GPBP1: variants seen among roughly 807,000 people sequenced by gnomAD.
GPBP1 encodes GC-rich promoter binding protein 1.
In GPBP1, 13 loss-of-function variants were observed where a neutral mutation model predicts 56.5. The ratio of observed to expected loss-of-function variants is 0.23; its 90% confidence interval spans 0.15 to 0.37. GPBP1 has a LOEUF of 0.37. Among genes scored for constraint, GPBP1 ranks in the 10% least tolerant of loss-of-function variants. The pLI is 1.00. For missense variants in GPBP1, 477 were observed against 572.3 expected (o/e 0.83, Z 1.70); for synonymous variants, 204 against 188.9 (o/e 1.08, Z -0.66).
At chr5:57,191,081 T>G (rs777128715) in intron 2 of GPBP1, among the ~76,000 whole-genome samples, 9 of 150,854 alleles carry the variant, frequency 6.0e-5, no homozygotes, top group Non-Finnish European at 8.9e-5. Context: ...TGGCTCCTCT[T>G]AGCTGTTTTT....
At chr5:57,217,847 G>A (rs558735042) in intron 3 of GPBP1, among the ~76,000 whole-genome samples, 5 of 152,216 alleles carry the variant, frequency 3.3e-5, no homozygotes, top group African/African-American at 1.2e-4. Context: ...GTGAAACCCT[G>A]CCTCTCTACA....
Position 57,247,165 on chromosome 5 carries a change from T to C in GPBP1, c.754T>C (p.Phe252Leu). Residue 252 changes from phenylalanine to leucine, a missense_variant, in exon 8 of 12, where the codon TTT (phenylalanine) becomes CTT (leucine). Coordinates refer to ENST00000506184, the MANE Select transcript of GPBP1 (RefSeq NM_022913.4). ...STFGVGNFNA[F>L]KSTAKNFSPS... Reference sequence around the variant, plus strand: ...ATTTGGCGTTGGCAACTTTAATGCTTTTAAATCAACTGCCAAGAACTTTAG... The same window carrying C: ...ATTTGGCGTTGGCAACTTTAATGCTCTTAAATCAACTGCCAAGAACTTTAG... The C allele has an allele frequency of 6.2e-7, 1 of 1,613,794 alleles. No individual in the cohort carries two copies. The highest frequency in any genetic ancestry group is 8.5e-7 in the Non-Finnish European group (1 of 1,179,830).
At chr5:57,238,703 C>A (rs1449103427) in intron 6 of GPBP1, among the ~76,000 whole-genome samples, 2 of 152,152 alleles carry the variant, frequency 1.3e-5, no homozygotes, top group Non-Finnish European at 2.9e-5. Flanking sequence ...ATTAAAAAAT[C>A]AGAAATTTCA....
At chr5:57,206,811 G>T (rs1054793597) in intron 2 of GPBP1, among the ~76,000 whole-genome samples, 6 of 152,222 alleles carry the variant, frequency 3.9e-5, no homozygotes, top group Middle Eastern at 3.4e-3. Flanking sequence ...AAATGTGTGG[G>T]CTTATTTCTG....
intron 6 of GPBP1, among the ~76,000 whole-genome samples, chr5:57,236,356 TA>T (rs1442820781): frequency 6.6e-6 from 1 of 152,202 alleles, no homozygotes; most frequent in Non-Finnish European, 1.5e-5. Flanking sequence ...AAACTGAGTT[TA>T]AATTAATTTT....
At chr5:57,241,920 G>A in intron 6 of GPBP1, among the ~76,000 whole-genome samples, 1 of 152,170 alleles carries the variant, frequency 6.6e-6, no homozygotes, top group Admixed American at 6.5e-5. Flanking sequence ...AGGAGAATTT[G>A]TGGAGAAAAT....
intron 6 of GPBP1, among the ~76,000 whole-genome samples, chr5:57,243,549 T>C (rs1053664792): frequency 6.6e-6 from 1 of 151,992 alleles, no homozygotes; most frequent in Admixed American, 6.6e-5. Flanking sequence ...GAAGACCTCA[T>C]TGAGGAACTA....
At position 57,246,470 on chromosome 5, in the gene GPBP1, G is replaced by C. The variant is rs781330916; in HGVS notation, c.649G>C (p.Ala217Pro). 6.3e-7 allele frequency: 1 copy of C among 1,593,554 alleles called. No individual in the cohort carries two copies. The highest frequency in any genetic ancestry group is 8.5e-7 in the Non-Finnish European group (1 of 1,172,208). ...TAAAGGTTTAGTCCCTAAACCTGCTGCTCCACCTACAAAAGTAAGTTCTAA... is the reference window on the plus strand; with the variant it reads ...TAAAGGTTTAGTCCCTAAACCTGCTCCTCCACCTACAAAAGTAAGTTCTAA... ...VYKGLVPKPA[A>P]PPTKPTQWKS... Residue 217 changes from alanine (A) to proline (P), a missense_variant, in exon 7 of 12, where the codon GCT (alanine) becomes CCT (proline). Around this residue, in one of 2 missense-constraint regions of GPBP1, gnomAD observed 414 missense variants for 458.2 expected, o/e 0.90. Coordinates refer to ENST00000506184, the MANE Select transcript of GPBP1 (RefSeq NM_022913.4).
chr5:57,230,624 T>C, intron 3 of GPBP1: 1 of 507,442 alleles, frequency 2.0e-6, no homozygotes, highest in Non-Finnish European at 3.5e-6. Context: ...AAAAAAGATG[T>C]CGAACTCTAA....
intron 10 of GPBP1, among the ~76,000 whole-genome samples, chr5:57,257,621 G>T (rs564433891): frequency 6.6e-6 from 1 of 151,926 alleles, no homozygotes; most frequent in African/African-American, 2.4e-5. Flanking sequence ...ATAGTTAATT[G>T]TATAAATATT....
chr5:57,209,620 GT>G (rs145185917), intron 2 of GPBP1, among the ~76,000 whole-genome samples: 1 of 151,884 alleles, frequency 6.6e-6, no homozygotes, highest in Non-Finnish European at 1.5e-5. Context: ...ATGTGCTGTG[GT>G]TTTTTTTAAT....
intron 2 of GPBP1, among the ~76,000 whole-genome samples, chr5:57,205,519 C>A (rs1726960543): frequency 6.6e-6 from 1 of 151,000 alleles, no homozygotes; most frequent in Non-Finnish European, 1.5e-5. Context: ...AACCCTTTTA[C>A]CTTCACACCA....
At chr5:57,213,363 C>A (rs192081410) in intron 2 of GPBP1, among the ~76,000 whole-genome samples, 1 of 152,226 alleles carries the variant, frequency 6.6e-6, no homozygotes, top group East Asian at 1.9e-4. Flanking sequence ...TGTCTTCCTT[C>A]TAAAACATCA....
At chr5:57,209,087 C>A (rs1166922416) in intron 2 of GPBP1, among the ~76,000 whole-genome samples, 1 of 152,028 alleles carries the variant, frequency 6.6e-6, no homozygotes, top group Non-Finnish European at 1.5e-5. Flanking sequence ...GATTTTACTG[C>A]GAATTGAGTT....
At chr5:57,178,073 T>C (rs1338213764) in intron 2 of GPBP1, among the ~76,000 whole-genome samples, 4 of 152,160 alleles carry the variant, frequency 2.6e-5, no homozygotes, top group African/African-American at 4.8e-5. Flanking sequence ...CCTTGATTTA[T>C]AAAATCGGTG....
intron 3 of GPBP1, chr5:57,221,426 A>G: frequency 7.1e-7 from 1 of 1,416,346 alleles, no homozygotes; most frequent in Non-Finnish European, 9.7e-7. Flanking sequence ...TATTGAACAG[A>G]TATTGAAAAA....
intron 10 of GPBP1, 131 bp from the exon 11 acceptor site, chr5:57,261,049 A>C: frequency 1.9e-6 from 1 of 532,234 alleles, no homozygotes; most frequent in East Asian, 3.0e-5. Flanking sequence ...GAGCTCAAAA[A>C]TCCTTTTGAT....
chr5:57,196,549 A>G (rs1029044140), intron 2 of GPBP1, among the ~76,000 whole-genome samples: 14 of 152,188 alleles, frequency 9.2e-5, no homozygotes, highest in African/African-American at 2.9e-4. Flanking sequence ...TCATGGTGCT[A>G]AAAGGACCAG....
At chr5:57,248,576 G>A (rs1007143693) in intron 8 of GPBP1, among the ~76,000 whole-genome samples, 5 of 152,044 alleles carry the variant, frequency 3.3e-5, no homozygotes, top group African/African-American at 1.2e-4. Context: ...TACAGGCTGG[G>A]CATGTAGCCA....
Sources: allele counts gnomAD v4.1 joint callset (sites outside exome capture counted in the v4.1 genomes callset), GRCh38; gene constraint gnomAD v4.1.1; regional missense constraint gnomAD v4.1.1; transcripts MANE v1.5; gene names NCBI Gene and HGNC (gene_info 2026-07-23, HGNC 2026-07-21).